The following IGF1R variants were observed in gnomAD, a reference collection of about 807,000 sequenced individuals.
IGF1R encodes insulin like growth factor 1 receptor.
IGF1R carries 44 observed loss-of-function variants against 144.6 expected under a neutral mutation model. That is an observed-to-expected ratio of 0.30 (90% CI 0.24 to 0.39). IGF1R has a LOEUF of 0.39. IGF1R is among the 10% of genes least tolerant of loss of function. IGF1R has a pLI of 1.00. For synonymous variants in IGF1R, 795 were observed against 722.8 expected (o/e 1.10, Z -1.60); for missense variants, 1,355 against 1,833.7 (o/e 0.74, Z 4.77).
chr15:98,838,238 G>A (rs1193585361), intron 2 of IGF1R, among the ~76,000 whole-genome samples: 1 of 151,846 alleles, frequency 6.6e-6, no homozygotes, highest in South Asian at 2.1e-4. Context: ...AGTTAACCAT[G>A]TTCTTTGGAC....
intron 9 of IGF1R, 59 bp from the exon 10 acceptor site, chr15:98,916,613 A>G (rs1017615412): frequency 3.5e-6 from 5 of 1,413,452 alleles, no homozygotes; most frequent in Non-Finnish European, 5.0e-6. Context: ...ATTTTTCCTT[A>G]CAAGCATGTA....
At chr15:98,779,325 C>T (rs996433598) in intron 2 of IGF1R, among the ~76,000 whole-genome samples, 10 of 152,238 alleles carry the variant, frequency 6.6e-5, no homozygotes, top group East Asian at 1.9e-4. Flanking sequence ...TTAAAAATTT[C>T]GACTTCAGAT....
chr15:98,799,983 C>A (rs769391366), intron 2 of IGF1R, among the ~76,000 whole-genome samples: 4 of 152,146 alleles, frequency 2.6e-5, no homozygotes, highest in Non-Finnish European at 5.9e-5. Flanking sequence ...GCACTCTGTT[C>A]TTATGTAATT....
chr15:98,836,571 C>T (rs549309183), intron 2 of IGF1R, among the ~76,000 whole-genome samples: 4 of 149,858 alleles, frequency 2.7e-5, no homozygotes, highest in South Asian at 4.3e-4. Context: ...TTTTCCCTAA[C>T]GTTAGCATTT....
At chr15:98,657,085 T>C (rs1235976446) in intron 1 of IGF1R, among the ~76,000 whole-genome samples, 2 of 152,228 alleles carry the variant, frequency 1.3e-5, no homozygotes, top group African/African-American at 2.4e-5. Context: ...CTGTAAAAAA[T>C]ATAGTCGTGG....
At chr15:98,780,549 CAAAA>C (rs1192949160) in intron 2 of IGF1R, among the ~76,000 whole-genome samples, 2 of 24,010 alleles carry the variant, frequency 8.3e-5, no homozygotes, top group African/African-American at 1.4e-4. Flanking sequence ...AACTCTGTCT[CAAAA>C]AAAAAAAAAA....
At position 98,891,782 on chromosome 15, in the gene IGF1R, A is replaced by G. The variant is rs1414303091; in HGVS notation, c.953+145A>G. ...TGGGTCATTTTGAGAGGGCTGGCTT[A>G]CCTTAAATGTTTGGTGAGATTCTAG... On this transcript the variant is annotated intron_variant, in intron 3 of 20. Transcript: ENST00000650285. The surrounding 1 kb of genome is among the most constrained non-coding windows in gnomAD (Gnocchi z 4.7). 6.7e-6 allele frequency: 5 copies of G among 747,352 alleles called. No individual in the cohort carries two copies. Among genetic ancestry groups the G allele is most frequent in the Non-Finnish European group, 8.9e-6 (4 of 448,550 alleles). The allele number at this position is 747,352 out of a possible 1,614,324, so 46.3% of individuals were successfully genotyped here. A position where few individuals can be genotyped will look rare whatever the true frequency, so the allele number is the denominator to read the frequency against.
At chr15:98,904,078 A>C (rs1596419165) in intron 5 of IGF1R, among the ~76,000 whole-genome samples, 1 of 120,054 alleles carries the variant, frequency 8.3e-6, no homozygotes, top group Non-Finnish European at 1.7e-5. Flanking sequence ...TTTGAGATGG[A>C]GTCTCACTCT....
At chr15:98,766,619 A>G (rs2055442877) in intron 2 of IGF1R, among the ~76,000 whole-genome samples, 1 of 152,220 alleles carries the variant, frequency 6.6e-6, no homozygotes, top group Non-Finnish European at 1.5e-5. Flanking sequence ...CTGGGGGTCC[A>G]TACATACCCC....
At chr15:98,688,015 C>T (rs1428445189) in intron 1 of IGF1R, among the ~76,000 whole-genome samples, 1 of 152,138 alleles carries the variant, frequency 6.6e-6, no homozygotes, top group Non-Finnish European at 1.5e-5. Flanking sequence ...GCAGCGGTGT[C>T]TTGTGCTCTG....
rs533575343 is a variant in IGF1R at position 98,841,313 on chromosome 15, G to A, written c.641-50012G>A. 8.7e-4 allele frequency among the ~76,000 whole-genome samples: 133 copies of A among 152,300 alleles called. 4 individuals carry two copies. The South Asian group carries it at 0.025, about 29-fold the overall frequency. On this transcript the variant is annotated intron_variant, in intron 2 of 20. Coordinates refer to ENST00000650285, the MANE Select transcript of IGF1R (RefSeq NM_000875.5). ...ATCCTTGGCCTGCCATTTACTGGCT[G>A]TGCTTCCTTGGTCAAATTACTTAAC...
intron 1 of IGF1R, among the ~76,000 whole-genome samples, chr15:98,695,265 C>T (rs144452910): frequency 1.1e-4 from 17 of 152,278 alleles, no homozygotes; most frequent in Admixed American, 7.8e-4. Flanking sequence ...AAGCTTTTTA[C>T]GAGCTCCCTG....
intron 4 of IGF1R, among the ~76,000 whole-genome samples, chr15:98,899,085 A>G (rs1295145117): frequency 6.6e-6 from 1 of 152,238 alleles, no homozygotes; most frequent in Non-Finnish European, 1.5e-5. Flanking sequence ...AATGAGATGG[A>G]GAAAATGTTG....
chr15:98,928,040 C>CA (rs1197208258), intron 13 of IGF1R, among the ~76,000 whole-genome samples: 1 of 152,210 alleles, frequency 6.6e-6, no homozygotes, highest in East Asian at 1.9e-4. Flanking sequence ...CCAGGAACCT[C>CA]ACAGCATCCT....
chr15:98,683,830 C>G (rs951699012), intron 1 of IGF1R, among the ~76,000 whole-genome samples: 3 of 152,176 alleles, frequency 2.0e-5, no homozygotes, highest in African/African-American at 7.2e-5. Flanking sequence ...GGACATAATT[C>G]ACCATTCTTC....
intron 2 of IGF1R, among the ~76,000 whole-genome samples, chr15:98,799,694 G>A (rs997478389): frequency 6.6e-6 from 1 of 152,148 alleles, no homozygotes; most frequent in Non-Finnish European, 1.5e-5. Flanking sequence ...GGAGTGCTGA[G>A]GGCTGCTGTT....
chr15:98,777,901 G>A (rs1182143529), intron 2 of IGF1R, among the ~76,000 whole-genome samples: 1 of 152,226 alleles, frequency 6.6e-6, no homozygotes, highest in Non-Finnish European at 1.5e-5. Flanking sequence ...TAGATGGAGG[G>A]ACCAATAGTA....
chr15:98,922,551 C>A, intron 11 of IGF1R, 120 bp downstream of exon 11: 2 of 1,204,212 alleles, frequency 1.7e-6, no homozygotes, highest in Non-Finnish European at 2.4e-6. Flanking sequence ...GGCCTGCCTG[C>A]TAAATAACGT....
chr15:98,726,915 T>C (rs532558357), intron 2 of IGF1R, among the ~76,000 whole-genome samples: 1 of 152,062 alleles, frequency 6.6e-6, no homozygotes, highest in East Asian at 1.9e-4. Flanking sequence ...GAGATGGGGT[T>C]TCACCATGTT....
Sources: allele counts gnomAD v4.1 joint callset (sites outside exome capture counted in the v4.1 genomes callset), GRCh38; gene constraint gnomAD v4.1.1; non-coding constraint Gnocchi (gnomAD v3.1); transcripts MANE v1.5; gene names NCBI Gene and HGNC (gene_info 2026-07-23, HGNC 2026-07-21).